Variants in TMEM132C observed in about 807,000 individuals in gnomAD.
TMEM132C encodes protein phosphatase 1, regulatory subunit 152.
TMEM132C carries 29 observed loss-of-function variants against 61.4 expected under a neutral mutation model. The observed-to-expected ratio is 0.47, with a 90% CI of 0.35 to 0.64. The LOEUF (loss-of-function observed/expected upper bound fraction) is 0.64. Among genes scored for constraint, TMEM132C ranks in the 30% least tolerant of loss-of-function variants. The pLI, the probability that TMEM132C is intolerant of heterozygous loss-of-function variation, is 0.00. For missense variants in TMEM132C, 1,408 were observed against 1,476.9 expected (o/e 0.95, Z 0.76); for synonymous variants, 656 against 633.1 (o/e 1.04, Z -0.54).
chr12:128,485,507 T>C (rs184075574), intron 2 of TMEM132C, among the ~76,000 whole-genome samples: 1 of 152,208 alleles, frequency 6.6e-6, no homozygotes, highest in Admixed American at 6.5e-5. Context: ...GTTCTTAATT[T>C]GGAGGGGATA....
intron 1 of TMEM132C, among the ~76,000 whole-genome samples, chr12:128,394,067 A>G (rs1874858268): frequency 6.6e-6 from 1 of 152,180 alleles, no homozygotes; most frequent in Non-Finnish European, 1.5e-5. Flanking sequence ...CAGTTCCATG[A>G]GGCTGGGGAG....
At chr12:128,550,065 G>A (rs1209604900) in intron 3 of TMEM132C, among the ~76,000 whole-genome samples, 2 of 152,168 alleles carry the variant, frequency 1.3e-5, no homozygotes, top group Admixed American at 6.5e-5. Context: ...TATATCCCTC[G>A]GTAGGTGTGT....
chr12:128,293,770 G>C (rs771208423), intron 1 of TMEM132C, among the ~76,000 whole-genome samples: 1 of 152,046 alleles, frequency 6.6e-6, no homozygotes, highest in Non-Finnish European at 1.5e-5. Flanking sequence ...AGACTGCACA[G>C]CCTCCTCTGA....
intron 2 of TMEM132C, among the ~76,000 whole-genome samples, chr12:128,469,791 T>C (rs1870881945): frequency 2.0e-5 from 3 of 151,152 alleles, no homozygotes; most frequent in Admixed American, 1.3e-4. Context: ...TAAATGTGTA[T>C]ATGCATTTAT....
intron 1 of TMEM132C, among the ~76,000 whole-genome samples, chr12:128,307,444 A>G (rs996371848): frequency 2.6e-5 from 4 of 152,042 alleles, no homozygotes; most frequent in African/African-American, 9.7e-5. Flanking sequence ...AAAAAATAGG[A>G]AAAAACAGCA....
chr12:128,346,307 C>T (rs1873157799), intron 1 of TMEM132C, among the ~76,000 whole-genome samples: 1 of 152,036 alleles, frequency 6.6e-6, no homozygotes, highest in South Asian at 2.1e-4. Flanking sequence ...TTAATGTAGC[C>T]CTGTAATGTA....
At chr12:128,633,226 G>T (rs1954076846) in intron 4 of TMEM132C, among the ~76,000 whole-genome samples, 1 of 152,204 alleles carries the variant, frequency 6.6e-6, no homozygotes, top group African/African-American at 2.4e-5. Flanking sequence ...GATCAAGGCT[G>T]CAGAGCCTTT....
intron 4 of TMEM132C, among the ~76,000 whole-genome samples, chr12:128,624,468 C>T (rs942012985): frequency 7.2e-6 from 1 of 138,728 alleles, no homozygotes; most frequent in Non-Finnish European, 1.5e-5. Flanking sequence ...TGCTTGAACT[C>T]GGGTGGCAGA....
At chr12:128,323,845 C>T (rs953065676) in intron 1 of TMEM132C, among the ~76,000 whole-genome samples, 15 of 151,982 alleles carry the variant, frequency 9.9e-5, no homozygotes, top group African/African-American at 2.4e-4. Flanking sequence ...AAACACTGCA[C>T]GCTGGGGAGG....
chr12:128,643,619 C>A (rs1954174587), intron 4 of TMEM132C, among the ~76,000 whole-genome samples: 1 of 152,046 alleles, frequency 6.6e-6, no homozygotes. Context: ...TTTAAAAATC[C>A]ATTTTTACAG....
chr12:128,282,658 C>T (rs75906086), intron 1 of TMEM132C, among the ~76,000 whole-genome samples: 1,619 of 152,288 alleles, frequency 0.011, 33 homozygotes, highest in African/African-American at 0.037. Context: ...CAACTATTGT[C>T]CCAATAATTC....
chr12:128,544,795 G>A (rs1406405724), intron 3 of TMEM132C, among the ~76,000 whole-genome samples: 1 of 152,148 alleles, frequency 6.6e-6, no homozygotes, highest in Non-Finnish European at 1.5e-5. Context: ...AATACGTACA[G>A]ATTTTAAGGA....
intron 3 of TMEM132C, among the ~76,000 whole-genome samples, chr12:128,573,962 G>C (rs1874997938): frequency 6.6e-6 from 1 of 151,472 alleles, no homozygotes; most frequent in Non-Finnish European, 1.5e-5. Context: ...GTACCAAAGA[G>C]GAGTGGAGAG....
chr12:128,706,535 A>G lies in TMEM132C; in HGVS notation c.*240A>G. On this transcript the variant is annotated 3_prime_UTR_variant, in exon 9 of 9. Coordinates refer to ENST00000435159, the MANE Select transcript of TMEM132C (RefSeq NM_001136103.3). The stretch of plus-strand genomic sequence containing the variant: ...GTCTGGGGCATGGGGAGTGCAGACC[A>G]AGTTACTGAACTGCACAGGCAAAAT... 2.2e-6 allele frequency: 1 copy of G among 459,380 alleles called. No homozygotes were observed. The highest frequency in any genetic ancestry group is 3.9e-5 in the Admixed American group (1 of 25,658). The allele number at this position is 459,380 out of a possible 1,614,324, so 28.5% of individuals were successfully genotyped here. A position where few individuals can be genotyped will look rare whatever the true frequency, so the allele number is the denominator to read the frequency against.
intron 1 of TMEM132C, among the ~76,000 whole-genome samples, chr12:128,301,696 A>G (rs1227781827): frequency 6.6e-6 from 1 of 152,212 alleles, no homozygotes; most frequent in East Asian, 1.9e-4. Flanking sequence ...GACTTGGCAA[A>G]CAGATGCAGA....
chr12:128,577,584 G>C (rs143086627), intron 3 of TMEM132C, among the ~76,000 whole-genome samples: 55 of 152,342 alleles, frequency 3.6e-4, no homozygotes, highest in Non-Finnish European at 7.5e-4. Flanking sequence ...GTTCCTTTCG[G>C]AAACTAATTG....
chr12:128,515,967 C>T (rs1424238222), intron 2 of TMEM132C, among the ~76,000 whole-genome samples: 3 of 152,098 alleles, frequency 2.0e-5, no homozygotes, highest in Admixed American at 6.5e-5. Context: ...TACACAGGCA[C>T]GTCGGGCCCA....
At chr12:128,447,699 C>G (rs1306848121) in intron 2 of TMEM132C, among the ~76,000 whole-genome samples, 4 of 119,850 alleles carry the variant, frequency 3.3e-5, no homozygotes, top group African/African-American at 1.4e-4. Context: ...GATATTATTT[C>G]AAGTGCTTTT....
At position 128,696,000 on chromosome 12, in the gene TMEM132C, C is replaced by G; in HGVS notation, c.1826C>G (p.Thr609Ser). The G allele has an allele frequency of 6.4e-7, 1 of 1,551,806 alleles. No homozygotes were observed. Among genetic ancestry groups the G allele is most frequent in the Non-Finnish European group, 8.7e-7 (1 of 1,147,016 alleles). ...LLSPNWQFDI[T>S]HLVADFMKLE... ...AGTCCTAACTGGCAGTTCGACATCACTCACCTGGTGGCAGACTTCATGAAG... is the reference window on the plus strand; with the variant it reads ...AGTCCTAACTGGCAGTTCGACATCAGTCACCTGGTGGCAGACTTCATGAAG... The change falls in exon 7 of 9, where the codon ACT becomes AGT. Residue 609 changes from threonine to serine, a missense_variant. Physicochemically the swap from Thr to Ser is moderately conservative, Grantham distance 58. Coordinates refer to ENST00000435159, the MANE Select transcript of TMEM132C (RefSeq NM_001136103.3).
Sources: allele counts gnomAD v4.1 joint callset (sites outside exome capture counted in the v4.1 genomes callset), GRCh38; gene constraint gnomAD v4.1.1; transcripts MANE v1.5; gene names NCBI Gene and HGNC (gene_info 2026-07-23, HGNC 2026-07-21).